ZNF658: variants seen among roughly 807,000 people sequenced by gnomAD.
ZNF658 encodes zinc finger protein 658.
In ZNF658, 46 loss-of-function variants were observed where a neutral mutation model predicts 78.0. The ratio of observed to expected loss-of-function variants is 0.59; its 90% confidence interval spans 0.47 to 0.75. The LOEUF is 0.75. Among genes scored for constraint, ZNF658 ranks in the 30% least tolerant of loss-of-function variants. ZNF658 has a pLI of 0.00. For synonymous variants in ZNF658, 279 were observed against 408.4 expected (o/e 0.68, Z 3.82); for missense variants, 785 against 1,189.3 (o/e 0.66, Z 5.00).
downstream of ZNF658, among the ~76,000 whole-genome samples, chr9:66,925,708 C>CAT (rs1193500717): frequency 6.6e-6 from 1 of 152,048 alleles, no homozygotes; most frequent in Non-Finnish European, 1.5e-5. Context: ...CCCAAAAAAT[C>CAT]AAACAGGAGA....
chr9:66,900,965 G>C (rs958298850), intron 1 of ZNF658, 129 bp downstream of exon 1: 6 of 152,132 alleles, frequency 3.9e-5, no homozygotes, highest in African/African-American at 1.4e-4. Flanking sequence ...CCCCGGCCCA[G>C]TGCGCGGGCC....
chr9:66,921,786 T>A (rs974550349), downstream of ZNF658, among the ~76,000 whole-genome samples: 5 of 151,094 alleles, frequency 3.3e-5, no homozygotes, highest in Admixed American at 3.3e-4. Flanking sequence ...CCAGTTAGGC[T>A]ACTCGTGGGT....
At chr9:66,909,906 T>C (rs533864205) in intron 4 of ZNF658, among the ~76,000 whole-genome samples, 2 of 152,328 alleles carry the variant, frequency 1.3e-5, no homozygotes, top group East Asian at 1.9e-4. Flanking sequence ...AAAATGAAAG[T>C]ACTAATAAGT....
intron 2 of ZNF658, among the ~76,000 whole-genome samples, chr9:66,904,866 T>C (rs1822036268): frequency 6.6e-6 from 1 of 151,976 alleles, no homozygotes; most frequent in Non-Finnish European, 1.5e-5. Flanking sequence ...ATAGAGGTTA[T>C]TGGTTGACAG....
intron 2 of ZNF658, among the ~76,000 whole-genome samples, chr9:66,907,916 G>A (rs928157970): frequency 6.6e-6 from 1 of 151,266 alleles, no homozygotes; most frequent in Non-Finnish European, 1.5e-5. Context: ...CAGTGATGAT[G>A]TCCAGGGAGG....
intron 6 of ZNF658, among the ~76,000 whole-genome samples, chr9:66,929,268 G>A (rs904888151): frequency 1.5e-5 from 2 of 137,474 alleles, no homozygotes; most frequent in Non-Finnish European, 3.1e-5. Flanking sequence ...CTTGATTGGA[G>A]CAGCAGGAAA....
chr9:66,923,930 C>G (rs927276755), downstream of ZNF658, among the ~76,000 whole-genome samples: 4 of 132,698 alleles, frequency 3.0e-5, no homozygotes, highest in African/African-American at 1.1e-4. Flanking sequence ...AGGTAGATCA[C>G]TTGAGGTCAG....
intron 4 of ZNF658, among the ~76,000 whole-genome samples, chr9:66,909,796 T>G (rs939688651): frequency 6.6e-5 from 10 of 152,220 alleles, no homozygotes; most frequent in African/African-American, 2.4e-4. Context: ...GGTTTTGATG[T>G]ACATTTCTGT....
intron 4 of ZNF658, among the ~76,000 whole-genome samples, chr9:66,914,905 T>G (rs1272095566): frequency 1.3e-5 from 2 of 152,172 alleles, no homozygotes. Flanking sequence ...GCTATGAGGA[T>G]GAGGCAGGCC....
At chr9:66,930,299 C>T (rs1469601033) in intron 6 of ZNF658, among the ~76,000 whole-genome samples, 1 of 143,292 alleles carries the variant, frequency 7.0e-6, no homozygotes, top group Non-Finnish European at 1.5e-5. Flanking sequence ...TTTTTTCCAA[C>T]TTGTTTCCAA....
chr9:66,918,558 A>T lies in ZNF658; in HGVS notation c.992A>T (p.Glu331Val). 6.2e-7 allele frequency: 1 copy of T among 1,608,236 alleles called. No individual in the cohort carries two copies. The highest frequency in any genetic ancestry group is 8.5e-7 in the Non-Finnish European group (1 of 1,175,576). Residue 331 changes from glutamate (E) to valine (V), a missense_variant, in exon 5 of 5, where the codon GAA becomes GTA. Coordinates refer to ENST00000621410, the MANE Select transcript of ZNF658 (RefSeq NM_033160.7). ...GWSAFESNKC[E>V]ENFSQSSAHI... The stretch of plus-strand genomic sequence containing the variant: ...AGTGCTTTTGAAAGCAATAAATGTG[A>T]AGAAAATTTTAGCCAGAGCTCAGCC...
At chr9:66,928,696 CA>C (rs61272144) in intron 6 of ZNF658, among the ~76,000 whole-genome samples, 30,059 of 128,972 alleles carry the variant, frequency 0.23, 2,986 homozygotes, top group Middle Eastern at 0.43. Flanking sequence ...ACTAAAAATA[CA>C]AAAAAAAAAA....
At chr9:66,913,426 G>T (rs574206755) in intron 4 of ZNF658, among the ~76,000 whole-genome samples, 1 of 136,708 alleles carries the variant, frequency 7.3e-6, no homozygotes, top group African/African-American at 3.2e-5. Context: ...TGTCTCAAAA[G>T]GAAGGAAAAA....
In ZNF658 at chr9:66,920,541, A is replaced by T; in HGVS notation, c.2975A>T (p.Lys992Ile). The T allele has an allele frequency of 7.3e-7, 1 of 1,373,284 alleles. No homozygotes were observed. Among genetic ancestry groups the T allele is most frequent in the Non-Finnish European group, 1.0e-6 (1 of 988,918 alleles). 85.1% of individuals were successfully genotyped at this position (1,373,284 alleles called of 1,614,324 possible). Residue 992 changes from lysine (K) to isoleucine (I), a missense_variant, in exon 5 of 5, where the codon AAA (lysine) becomes ATA (isoleucine). Lys to Ile is a moderately radical substitution (Grantham distance 102). Transcript: ENST00000621410. ...SAHQRIHTGE[K>I]PYECNECGKA... is the part of the protein sequence containing the mutation. ...CACCAGAGAATTCACACAGGGGAGA[A>T]ACCCTATGAGTGTAATGAATGCGGA...
chr9:66,917,259 A>C (rs1241672060), intron 4 of ZNF658, among the ~76,000 whole-genome samples: 1 of 137,568 alleles, frequency 7.3e-6, no homozygotes, highest in Non-Finnish European at 1.5e-5. Flanking sequence ...TTTAATTGTA[A>C]GAGGGAAGAT....
intron 1 of ZNF658, among the ~76,000 whole-genome samples, chr9:66,901,417 C>T (rs1252175815): frequency 6.6e-6 from 1 of 151,818 alleles, no homozygotes; most frequent in African/African-American, 2.4e-5. Flanking sequence ...CTGCCTAAAG[C>T]CTTCAGAGCG....
intron 4 of ZNF658, among the ~76,000 whole-genome samples, chr9:66,913,275 A>C (rs965735355): frequency 1.6e-4 from 24 of 151,824 alleles, no homozygotes; most frequent in African/African-American, 5.6e-4. Context: ...AAGTACAAAA[A>C]TTAGCCAGGC....
At chr9:66,910,146 G>A (rs1822179479) in intron 4 of ZNF658, among the ~76,000 whole-genome samples, 1 of 152,020 alleles carries the variant, frequency 6.6e-6, no homozygotes, top group Non-Finnish European at 1.5e-5. Flanking sequence ...TTACACTGGG[G>A]GTTAGGGCTT....
intron 2 of ZNF658, among the ~76,000 whole-genome samples, chr9:66,904,458 T>A (rs563964820): frequency 6.4e-4 from 97 of 151,928 alleles, no homozygotes; most frequent in African/African-American, 2.3e-3. Flanking sequence ...TTTCTGTCCT[T>A]GGCTCTTTAG....
Sources: gnomAD v4.1 joint callset for allele counts (sites outside exome capture counted in the v4.1 genomes callset) on GRCh38, gnomAD v4.1.1 for gene constraint, MANE v1.5 for transcripts, NCBI Gene and HGNC (gene_info 2026-07-23, HGNC 2026-07-21) for gene names.